Variants in P3H2 observed in about 807,000 individuals in gnomAD.
P3H2 encodes leprecan-like 1.
A neutral mutation model predicts 87.0 loss-of-function variants in P3H2; 80 were observed. That is an observed-to-expected ratio of 0.92 (90% confidence interval 0.77 to 1.11). The LOEUF (loss-of-function observed/expected upper bound fraction) is 1.11, where lower values mean the gene tolerates loss of function less well. Ranked by LOEUF, P3H2 falls within the 50% of genes least tolerant of loss-of-function variation. The probability of loss-of-function intolerance (pLI) is 0.00; values close to 1 mark genes in which losing one functional copy is unlikely to be tolerated. For missense variants in P3H2, 1,001 were observed against 923.9 expected (o/e 1.08, Z -1.08); for synonymous variants, 367 against 359.3 (o/e 1.02, Z -0.24).
At chr3:190,040,508 G>A (rs1725573740) in intron 1 of P3H2, among the ~76,000 whole-genome samples, 1 of 152,222 alleles carries the variant, frequency 6.6e-6, no homozygotes, top group Non-Finnish European at 1.5e-5. Flanking sequence ...GTCATCTAAG[G>A]GCACCAGATA....
At chr3:190,031,966 T>C (rs537448289) in intron 1 of P3H2, among the ~76,000 whole-genome samples, 2 of 152,310 alleles carry the variant, frequency 1.3e-5, no homozygotes, top group Admixed American at 6.5e-5. Flanking sequence ...TTTTTTAGTT[T>C]ATTCCAAAAC....
intron 14 of P3H2, among the ~76,000 whole-genome samples, chr3:189,961,671 C>G (rs1194255270): frequency 6.6e-6 from 1 of 152,186 alleles, no homozygotes; most frequent in East Asian, 1.9e-4. Flanking sequence ...GAATGATTCA[C>G]AGCCTGGGCT....
intron 9 of P3H2, 89 bp from the exon 10 acceptor site, chr3:189,974,093 C>G: frequency 9.6e-7 from 1 of 1,043,324 alleles, no homozygotes; most frequent in Non-Finnish European, 1.5e-6. Flanking sequence ...AAGCTGAGAA[C>G]TCTAGTCAAT....
chr3:190,119,187 G>C (rs1312151249), intron 1 of P3H2, among the ~76,000 whole-genome samples: 7 of 121,184 alleles, frequency 5.8e-5, no homozygotes, highest in Non-Finnish European at 1.0e-4. Context: ...GAGAGGAGAG[G>C]AGAGGAGGGG....
chr3:190,117,904 G>T (rs969370364), intron 1 of P3H2, among the ~76,000 whole-genome samples: 10 of 152,114 alleles, frequency 6.6e-5, no homozygotes, highest in Non-Finnish European at 1.0e-4. Context: ...GAGAAGAGAA[G>T]TAGGGAGAAG....
At chr3:190,038,009 A>G (rs1725477057) in intron 1 of P3H2, among the ~76,000 whole-genome samples, 1 of 152,228 alleles carries the variant, frequency 6.6e-6, no homozygotes, top group African/African-American at 2.4e-5. Flanking sequence ...ACTGGTGATG[A>G]AAACTATCTT....
chr3:190,072,847 G>A (rs974481563), intron 1 of P3H2, among the ~76,000 whole-genome samples: 1 of 152,150 alleles, frequency 6.6e-6, no homozygotes, highest in Admixed American at 6.5e-5. Context: ...ATTAGTTCTG[G>A]ATGATGATGT....
At chr3:190,028,037 C>T (rs556580345) in intron 1 of P3H2, among the ~76,000 whole-genome samples, 18 of 151,882 alleles carry the variant, frequency 1.2e-4, no homozygotes, top group Non-Finnish European at 2.5e-4. Context: ...GAGCCCTCTG[C>T]ACCCTATTCC....
intron 1 of P3H2, among the ~76,000 whole-genome samples, chr3:190,031,728 A>C (rs1308465797): frequency 8.3e-6 from 1 of 120,164 alleles, no homozygotes; most frequent in Non-Finnish European, 1.7e-5. Flanking sequence ...TCTAATAGAT[A>C]CAATCAGATA....
chr3:190,050,510 G>T (rs1446534106), intron 1 of P3H2, among the ~76,000 whole-genome samples: 1 of 152,020 alleles, frequency 6.6e-6, no homozygotes, highest in Non-Finnish European at 1.5e-5. Flanking sequence ...TTAGATGTCA[G>T]GTTTTGTTTT....
chr3:190,098,971 G>A (rs1711521885), intron 1 of P3H2, among the ~76,000 whole-genome samples: 1 of 151,958 alleles, frequency 6.6e-6, no homozygotes, highest in Admixed American at 6.6e-5. Flanking sequence ...ATACAACGCT[G>A]TTTACTTTTA....
At chr3:190,030,420 A>C (rs1027619445) in intron 1 of P3H2, among the ~76,000 whole-genome samples, 1 of 152,156 alleles carries the variant, frequency 6.6e-6, no homozygotes, top group Non-Finnish European at 1.5e-5. Context: ...AAATGCAAAA[A>C]TTAGCTGGGC....
intron 1 of P3H2, among the ~76,000 whole-genome samples, chr3:189,998,143 T>C (rs1724104997): frequency 6.6e-6 from 1 of 152,014 alleles, no homozygotes; most frequent in Non-Finnish European, 1.5e-5. Flanking sequence ...TCTGCTCCCA[T>C]TAATGAAGAG....
chr3:190,025,196 G>A (rs1187278357), intron 1 of P3H2, among the ~76,000 whole-genome samples: 1 of 147,984 alleles, frequency 6.8e-6, no homozygotes, highest in Non-Finnish European at 1.5e-5. Context: ...TTTTCTTTTT[G>A]CCTCTAACAT....
In P3H2 at chr3:189,995,445, A is replaced by G. The variant is rs9839411; in HGVS notation, c.481-3T>C. The G allele has an allele frequency of 2.3e-3, 3,790 of 1,612,952 alleles. 83 individuals carry two copies. In the African/African-American group the frequency reaches 0.046, roughly 20 times the overall value. ...ACTGCTTTTTCGAGCTGGTTAAGCT[A>G]AAGAGAAAAAAAAATGACCAAAATG... On this transcript the variant is annotated splice_polypyrimidine_tract_variant and splice_region_variant and intron_variant, in intron 1 of 14. Transcript: ENST00000319332.
At chr3:190,012,555 C>T (rs1034428500) in intron 1 of P3H2, among the ~76,000 whole-genome samples, 2 of 152,146 alleles carry the variant, frequency 1.3e-5, no homozygotes, top group African/African-American at 4.8e-5. Flanking sequence ...GTCTCAGTTC[C>T]ACTCAGTCTC....
rs71175319 is a variant in P3H2, at chr3:189,958,699, C to CTTT, written c.2035-698_2035-696dup. On this transcript the variant is annotated intron_variant, in intron 14 of 14. Coordinates refer to ENST00000319332, the MANE Select transcript of P3H2 (RefSeq NM_018192.4). ...CCACTAGAGGGCAACATTGCTCCCT[C>CTTT]TTTTTTTTTTTTTTTTTTTTTGAGA... Among the ~76,000 whole-genome samples, 547 of 120,116 alleles carry CTTT rather than the reference C, an allele frequency of 4.6e-3. 5 individuals are homozygous for CTTT. The highest frequency in any genetic ancestry group is 8.3e-3 in the African/African-American group (257 of 30,950). 78.8% of individuals were successfully genotyped at this position (120,116 alleles called of 152,430 possible).
intron 11 of P3H2, among the ~76,000 whole-genome samples, chr3:189,972,628 A>C (rs1723210615): frequency 6.6e-6 from 1 of 152,084 alleles, no homozygotes; most frequent in South Asian, 2.1e-4. Flanking sequence ...TTTTCCCAAG[A>C]CTTCAGCAAT....
At chr3:190,111,826 C>A (rs1345691112) in intron 1 of P3H2, among the ~76,000 whole-genome samples, 1 of 152,180 alleles carries the variant, frequency 6.6e-6, no homozygotes, top group Non-Finnish European at 1.5e-5. Context: ...AAACAATATT[C>A]TTGACAGCCT....
Sources: allele counts gnomAD v4.1 joint callset (sites outside exome capture counted in the v4.1 genomes callset), GRCh38; gene constraint gnomAD v4.1.1; transcripts MANE v1.5; gene names NCBI Gene and HGNC (gene_info 2026-07-23, HGNC 2026-07-21).